NOTCH2: variants seen among roughly 807,000 people sequenced by gnomAD.
The protein encoded by NOTCH2 is neurogenic locus notch homolog protein 2.
In NOTCH2, 29 loss-of-function variants were observed where a neutral mutation model predicts 235.8. The ratio of observed to expected loss-of-function variants is 0.12; its 90% CI spans 0.09 to 0.17. The LOEUF (loss-of-function observed/expected upper bound fraction) is 0.17. Among genes scored for constraint, NOTCH2 ranks in the 10% least tolerant of loss-of-function variants. The pLI is 1.00. For synonymous variants in NOTCH2, 1,086 were observed against 1,141.5 expected, an observed-to-expected ratio of 0.95 and a Z score of 0.98; for missense variants, 2,285 against 3,150.2, an observed-to-expected ratio of 0.73 and a Z score of 6.57.
chr1:120,066,839 TAAG>T, intron 1 of NOTCH2, among the ~76,000 whole-genome samples: 1 of 150,970 alleles, frequency 6.6e-6, no homozygotes, highest in Admixed American at 6.6e-5. Flanking sequence ...AAAGGAATAA[TAAG>T]AAAGTGAAAG....
At chr1:119,971,071 C>G (rs1221237432) in intron 5 of NOTCH2, among the ~76,000 whole-genome samples, 3 of 152,218 alleles carry the variant, frequency 2.0e-5, no homozygotes, top group Non-Finnish European at 2.9e-5. Context: ...CTCGCGGATG[C>G]TAGTTGTGTC....
intron 1 of NOTCH2, among the ~76,000 whole-genome samples, chr1:120,047,722 G>A (rs1654838382): frequency 6.8e-6 from 1 of 147,814 alleles, no homozygotes; most frequent in Non-Finnish European, 1.5e-5. Flanking sequence ...TCTTTGTACT[G>A]CCACTGACTA....
intron 29 of NOTCH2, among the ~76,000 whole-genome samples, chr1:119,921,270 G>A (rs1649276472): frequency 6.6e-6 from 1 of 152,170 alleles, no homozygotes; most frequent in African/African-American, 2.4e-5. Context: ...AAGGTATGGA[G>A]CCTCCAATGT....
chr1:119,972,704 T>A (rs781984091), intron 5 of NOTCH2, among the ~76,000 whole-genome samples: 1 of 152,138 alleles, frequency 6.6e-6, no homozygotes, highest in African/African-American at 2.4e-5. Context: ...CCCATAAAAA[T>A]TGTCTCATTT....
chr1:119,954,735 T>C (rs782291635), intron 13 of NOTCH2, among the ~76,000 whole-genome samples: 16 of 152,134 alleles, frequency 1.1e-4, no homozygotes, highest in African/African-American at 1.7e-4. Context: ...CAGTAATACA[T>C]ACTAAAAACA....
intron 11 of NOTCH2, 49 bp from the exon 12 acceptor site, chr1:119,959,551 C>G: frequency 6.0e-6 from 6 of 994,832 alleles, no homozygotes; most frequent in Non-Finnish European, 8.1e-6. Flanking sequence ...CACAGAAATA[C>G]TAAGGCTTTC....
chr1:119,916,381 G>A lies in NOTCH2; in HGVS notation c.6341C>T (p.Thr2114Ile). The A allele has an allele frequency of 1.9e-6, 3 of 1,614,188 alleles. No individual in the cohort carries two copies. Among genetic ancestry groups the A allele is most frequent in the Non-Finnish European group, 2.5e-6 (3 of 1,180,024 alleles). ...RRPSAKSTMPTSLPNLAKEAK... is the reference protein window; with the variant it reads ...RRPSAKSTMPISLPNLAKEAK... ...CTCCTTGGCAAGGTTAGGGAGGCTA[G>A]TAGGCATGGTACTCTTGGCACTGGG... Residue 2114 changes from threonine (T) to isoleucine (I), a missense_variant, in exon 34 of 34, where the codon ACT becomes ATT. By Grantham distance (89) the Thr-to-Ile change is moderately conservative. This residue lies in a region of NOTCH2 where 504 missense variants were observed against 538.0 expected (regional missense o/e 0.94). Transcript: ENST00000256646.
At chr1:120,016,079 AAC>A (rs1653441597) in intron 2 of NOTCH2, among the ~76,000 whole-genome samples, 1 of 134,226 alleles carries the variant, frequency 7.5e-6, no homozygotes, top group African/African-American at 2.8e-5. Flanking sequence ...CTTGTGGTAA[AAC>A]ACACTTTCTA....
intron 2 of NOTCH2, among the ~76,000 whole-genome samples, chr1:120,009,545 TTC>T (rs1653103509): frequency 2.0e-5 from 3 of 152,122 alleles, no homozygotes; most frequent in African/African-American, 7.2e-5. Context: ...TTTCAGATAT[TTC>T]TCTTTCTTTT....
chr1:120,042,100 G>A lies in NOTCH2; in HGVS notation c.74-12113C>T, dbSNP rs1165405832. ...GAAGCCTAAGGGAATTCCACCAGAA[G>A]ACAGATTCTGGAGCTAGGCAACACC... On this transcript the variant is annotated intron_variant, in intron 1 of 33. Coordinates refer to ENST00000256646, the MANE Select transcript of NOTCH2 (RefSeq NM_024408.4). Among the ~76,000 whole-genome samples, 10 of 102,588 alleles carry A rather than the reference G, an allele frequency of 9.7e-5. No homozygotes were observed. The East Asian group carries it at 1.7e-3, about 17-fold the overall frequency. The allele number at this position is 102,588 out of a possible 152,430, so 67.3% of individuals were successfully genotyped here.
At chr1:119,944,673 G>C (rs1650191652) in intron 17 of NOTCH2, among the ~76,000 whole-genome samples, 1 of 152,022 alleles carries the variant, frequency 6.6e-6, no homozygotes. Context: ...AAGAATTGTG[G>C]AATAACAGCA....
rs587706835 is a variant in NOTCH2, at chr1:119,922,003, T to G, written c.5214-194A>C. Reference sequence around the variant, plus strand: ...TTTCCCTTCCCATTGATCGTGAGCTTACAACAAAAGGGCACCTCAACACAG... The same window carrying G: ...TTTCCCTTCCCATTGATCGTGAGCTGACAACAAAAGGGCACCTCAACACAG... On this transcript the variant is annotated intron_variant, in intron 28 of 33. Coordinates refer to ENST00000256646, the MANE Select transcript of NOTCH2 (RefSeq NM_024408.4). 2.0e-5 allele frequency among the ~76,000 whole-genome samples: 3 copies of G among 152,234 alleles called. No individual in the cohort carries two copies. In the South Asian group the frequency reaches 6.2e-4, roughly 32 times the overall value.
chr1:120,069,553 G>A lies in NOTCH2; in HGVS notation c.-147C>T. 1 of 1,412,392 alleles carries A rather than the reference G, an allele frequency of 7.1e-7. No homozygotes were observed. Among genetic ancestry groups the A allele is most frequent in the Non-Finnish European group, 9.2e-7 (1 of 1,092,018 alleles). The allele number at this position is 1,412,392 out of a possible 1,614,324, so 87.5% of individuals were successfully genotyped here. On this transcript the variant is annotated 5_prime_UTR_variant, in exon 1 of 34. Transcript: ENST00000256646. The stretch of plus-strand genomic sequence containing the variant: ...CCTGGCGCTACGCTCCGAAGCCCAG[G>A]CGCAAATGCCTCGACTCCCCGCGCC...
At chr1:119,921,865 G>T (rs757195638) in intron 28 of NOTCH2, 56 bp from the exon 29 acceptor site, 3 of 1,411,350 alleles carry the variant, frequency 2.1e-6, no homozygotes, top group Non-Finnish European at 3.0e-6. Context: ...TAATACAGTG[G>T]TTTTCAACAC....
intron 5 of NOTCH2, among the ~76,000 whole-genome samples, chr1:119,985,919 G>A (rs888662498): frequency 6.6e-6 from 1 of 152,138 alleles, no homozygotes; most frequent in Admixed American, 6.5e-5. Context: ...TATTAAAAGG[G>A]ACAGTTTGGG....
chr1:119,913,951 C>T lies in NOTCH2; in HGVS notation c.*1355G>A, dbSNP rs1648976852. 4.3e-6 allele frequency: 1 copy of T among 232,978 alleles called. No homozygotes were observed. Among genetic ancestry groups the T allele is most frequent in the African/African-American group, 2.2e-5 (1 of 45,440 alleles). 14.4% of individuals were successfully genotyped at this position (232,978 alleles called of 1,614,324 possible). On this transcript the variant is annotated 3_prime_UTR_variant, in exon 34 of 34. Transcript: ENST00000256646. ...CTTGAACATATAAAGTCCATGTCTT[C>T]AGTGAGAACATACTGGGTATACCAG...
rs782362535 is a variant in NOTCH2 at position 119,958,645 on chromosome 1, T to C, written c.2026+747A>G. ...GAGGGGCCTCAGGTTTCTGCAGTAG[T>C]AGCCTCTAGCACTTTTTGATCAGGA... On this transcript the variant is annotated intron_variant, in intron 12 of 33. Transcript: ENST00000256646. 1.3e-4 allele frequency among the ~76,000 whole-genome samples: 20 copies of C among 152,238 alleles called. 1 individual carries two copies. The highest frequency in any genetic ancestry group is 3.4e-4 in the African/African-American group (14 of 41,546).
chr1:119,995,605 T>C (rs1386838366), intron 4 of NOTCH2: 2 of 152,234 alleles, frequency 1.3e-5, no homozygotes, highest in African/African-American at 4.8e-5. Context: ...TTCTACAAGA[T>C]AAAGTGAATA....
At chr1:119,978,155 G>C (rs971683972) in intron 5 of NOTCH2, among the ~76,000 whole-genome samples, 4 of 152,108 alleles carry the variant, frequency 2.6e-5, no homozygotes, top group African/African-American at 9.7e-5. Context: ...AAGTGTGTGA[G>C]GGAGTGTGTA....
Sources: allele counts gnomAD v4.1 joint callset (sites outside exome capture counted in the v4.1 genomes callset), GRCh38; gene constraint gnomAD v4.1.1; regional missense constraint gnomAD v4.1.1; transcripts MANE v1.5; gene names NCBI Gene and HGNC (gene_info 2026-07-23, HGNC 2026-07-21).